SHISA6: variants seen among roughly 807,000 people sequenced by gnomAD.
The protein encoded by SHISA6 is shisa family member 6, also known as protein shisa-6.
In SHISA6, 22 loss-of-function variants were observed where a neutral mutation model predicts 47.9. The ratio of observed to expected loss-of-function variants is 0.46; its 90% confidence interval spans 0.33 to 0.66. SHISA6 has a LOEUF of 0.66. Ranked by LOEUF, SHISA6 falls within the 30% of genes least tolerant of loss-of-function variation. SHISA6 has a pLI of 0.02. For missense variants in SHISA6, 680 were observed against 764.6 expected (o/e 0.89, Z 1.30); for synonymous variants, 388 against 337.8 (o/e 1.15, Z -1.63).
chr17:11,395,450 C>G (rs540401073), intron 3 of SHISA6, among the ~76,000 whole-genome samples: 2 of 149,134 alleles, frequency 1.3e-5, no homozygotes, highest in Non-Finnish European at 3.0e-5. Flanking sequence ...TCTTTTATTG[C>G]TTATTTTTAT....
chr17:11,429,683 C>T (rs1300579738), intron 3 of SHISA6, among the ~76,000 whole-genome samples: 3 of 150,616 alleles, frequency 2.0e-5, no homozygotes, highest in Non-Finnish European at 2.9e-5. Flanking sequence ...CCCACCTACT[C>T]AGGAGGCTGA....
At chr17:11,255,948 C>A (rs961808324) in intron 1 of SHISA6, among the ~76,000 whole-genome samples, 2 of 152,228 alleles carry the variant, frequency 1.3e-5, no homozygotes, top group Non-Finnish European at 2.9e-5. Context: ...AAGCACTTTA[C>A]AACTATTACA....
intron 3 of SHISA6, among the ~76,000 whole-genome samples, chr17:11,392,559 G>A (rs1261259139): frequency 1.3e-5 from 2 of 152,218 alleles, no homozygotes; most frequent in Non-Finnish European, 2.9e-5. Flanking sequence ...CCTAGACCCC[G>A]CTTTGCTTTG....
intron 3 of SHISA6, 50 bp downstream of exon 3, chr17:11,379,559 G>T: frequency 7.7e-7 from 1 of 1,303,734 alleles, no homozygotes. Context: ...CCTAGGGAAC[G>T]CCATCTGAAA....
chr17:11,279,029 A>G (rs1909030416), intron 2 of SHISA6, among the ~76,000 whole-genome samples: 1 of 152,160 alleles, frequency 6.6e-6, no homozygotes, highest in South Asian at 2.1e-4. Context: ...GAAAGAAGCT[A>G]AAACAGCAAA....
At chr17:11,468,739 G>A (rs562593202) in intron 3 of SHISA6, among the ~76,000 whole-genome samples, 1 of 152,040 alleles carries the variant, frequency 6.6e-6, no homozygotes, top group Non-Finnish European at 1.5e-5. Flanking sequence ...AAGTCTTTTG[G>A]GCCTGGCACA....
chr17:11,363,915 G>T (rs919051507), intron 2 of SHISA6, among the ~76,000 whole-genome samples: 1 of 152,136 alleles, frequency 6.6e-6, no homozygotes, highest in Admixed American at 6.5e-5. Flanking sequence ...CTGCAGAACT[G>T]CCCCTGAGGT....
intron 2 of SHISA6, among the ~76,000 whole-genome samples, chr17:11,346,159 G>C (rs1911693990): frequency 6.6e-6 from 1 of 152,148 alleles, no homozygotes; most frequent in South Asian, 2.1e-4. Context: ...CATCATGAAA[G>C]GGTGTTGGAT....
Position 11,541,170 on chromosome 17 carries a change from A to G in SHISA6, c.896-10726A>G, listed in dbSNP as rs115147819. Among the ~76,000 whole-genome samples, 412 of 152,330 alleles carry G rather than the reference A, an allele frequency of 2.7e-3. 1 individual carries two copies. The highest frequency in any genetic ancestry group is 9.6e-3 in the African/African-American group (398 of 41,578). On this transcript the variant is annotated intron_variant, in intron 3 of 5. Coordinates refer to ENST00000441885, the MANE Select transcript of SHISA6 (RefSeq NM_207386.4). ...ATGAAATCTTAGGTAGAGGCCCAGTACAGAAGACAGATGGAAACCCAGCTG... is the reference window on the plus strand; with the variant it reads ...ATGAAATCTTAGGTAGAGGCCCAGTGCAGAAGACAGATGGAAACCCAGCTG...
At chr17:11,353,535 G>A (rs1911973644) in intron 2 of SHISA6, among the ~76,000 whole-genome samples, 1 of 151,814 alleles carries the variant, frequency 6.6e-6, no homozygotes. Context: ...AGCTACTGTT[G>A]GTCCCTTCAA....
At chr17:11,484,103 T>A (rs1326824573) in intron 3 of SHISA6, among the ~76,000 whole-genome samples, 1 of 152,036 alleles carries the variant, frequency 6.6e-6, no homozygotes, top group Non-Finnish European at 1.5e-5. Context: ...ACAACATGAA[T>A]TAACGGGACA....
intron 3 of SHISA6, among the ~76,000 whole-genome samples, chr17:11,405,152 A>G (rs1451967143): frequency 1.3e-5 from 2 of 152,234 alleles, no homozygotes; most frequent in Non-Finnish European, 2.9e-5. Flanking sequence ...AAGGCTATGT[A>G]ACTTCAATAA....
chr17:11,371,359 C>G (rs773396358), intron 2 of SHISA6, among the ~76,000 whole-genome samples: 21 of 152,122 alleles, frequency 1.4e-4, no homozygotes, highest in Non-Finnish European at 2.6e-4. Context: ...GAGAGCAAAC[C>G]CCGGGCTCTC....
chr17:11,268,301 G>A (rs1004027589), intron 2 of SHISA6, among the ~76,000 whole-genome samples: 1 of 152,052 alleles, frequency 6.6e-6, no homozygotes, highest in Non-Finnish European at 1.5e-5. Context: ...AAGCTTCATG[G>A]AGACCCAGAA....
intron 4 of SHISA6, among the ~76,000 whole-genome samples, chr17:11,552,440 T>A (rs1253189482): frequency 2.0e-5 from 3 of 152,042 alleles, no homozygotes; most frequent in Non-Finnish European, 4.4e-5. Context: ...AGTGGAGGAG[T>A]GTTAGCATAG....
chr17:11,515,300 A>G (rs1186536721), intron 3 of SHISA6, among the ~76,000 whole-genome samples: 1 of 142,144 alleles, frequency 7.0e-6, no homozygotes, highest in Non-Finnish European at 1.5e-5. Context: ...AAGAAAGAGG[A>G]AGGAAGAAAG....
intron 3 of SHISA6, among the ~76,000 whole-genome samples, chr17:11,473,601 A>G (rs1158427697): frequency 1.3e-5 from 2 of 151,860 alleles, no homozygotes; most frequent in African/African-American, 4.8e-5. Context: ...TATTGTTACA[A>G]TGGCAATTAA....
At chr17:11,539,064 A>T (rs1382890964) in intron 3 of SHISA6, among the ~76,000 whole-genome samples, 1 of 152,006 alleles carries the variant, frequency 6.6e-6, no homozygotes, top group Non-Finnish European at 1.5e-5. Context: ...TCTCAGCCTC[A>T]CCAAGTAGCT....
chr17:11,334,863 G>A (rs1911264698), intron 2 of SHISA6, among the ~76,000 whole-genome samples: 1 of 152,182 alleles, frequency 6.6e-6, no homozygotes, highest in South Asian at 2.1e-4. Context: ...CATGTAGCTT[G>A]TCCCACTGGA....
Sources: allele counts gnomAD v4.1 joint callset (sites outside exome capture counted in the v4.1 genomes callset), GRCh38; gene constraint gnomAD v4.1.1; transcripts MANE v1.5; gene names NCBI Gene and HGNC (gene_info 2026-07-23, HGNC 2026-07-21).